CCNY: variants seen among roughly 807,000 people sequenced by gnomAD.
The protein encoded by CCNY is cyclin Y.
Under a neutral mutation model 42.8 loss-of-function variants are expected in CCNY, and 19 were observed. The observed-to-expected ratio is 0.44, with a 90% confidence interval of 0.31 to 0.65. The LOEUF is 0.65. Among genes scored for constraint, CCNY ranks in the 30% least tolerant of loss-of-function variants. The pLI, the probability that CCNY is intolerant of heterozygous loss-of-function variation, is 0.07. For synonymous variants in CCNY, 165 were observed against 162.7 expected (o/e 1.01, Z -0.11); for missense variants, 370 against 437.3 (o/e 0.85, Z 1.37).
chr10:35,287,265 C>T (rs975447385), intron 3 of CCNY, among the ~76,000 whole-genome samples: 1 of 152,008 alleles, frequency 6.6e-6, no homozygotes, highest in Non-Finnish European at 1.5e-5. Context: ...ATATTGTGTT[C>T]CCAATTTAAA....
In CCNY at chr10:35,362,746, G is replaced by A. The variant is rs569367966; in HGVS notation, c.154+25539G>A. Among the ~76,000 whole-genome samples, 39 of 151,824 alleles carry A rather than the reference G, an allele frequency of 2.6e-4. 1 individual carries two copies. The highest frequency in any genetic ancestry group is 2.4e-3 in the Admixed American group (36 of 15,272). On this transcript the variant is annotated intron_variant, in intron 1 of 9. Transcript: ENST00000374704. ...CTCCTCACTTCCCAGACGGGGCTGCGGCCAGGCAGAGGCGCTCATCACATC... is the reference window on the plus strand; with the variant it reads ...CTCCTCACTTCCCAGACGGGGCTGCAGCCAGGCAGAGGCGCTCATCACATC...
At chr10:35,370,237 C>T (rs541908261) in intron 1 of CCNY, among the ~76,000 whole-genome samples, 23 of 152,036 alleles carry the variant, frequency 1.5e-4, no homozygotes, top group Non-Finnish European at 2.9e-4. Flanking sequence ...CTGCAAGCTC[C>T]GCTTCCCGGG....
At chr10:35,407,238 G>A (rs1343462899) in intron 1 of CCNY, among the ~76,000 whole-genome samples, 1 of 152,126 alleles carries the variant, frequency 6.6e-6, no homozygotes, top group Non-Finnish European at 1.5e-5. Context: ...TGTGGGGAAG[G>A]GAGGTGATAG....
chr10:35,355,104 G>GC (rs1836516635), intron 1 of CCNY, among the ~76,000 whole-genome samples: 1 of 152,124 alleles, frequency 6.6e-6, no homozygotes, highest in Non-Finnish European at 1.5e-5. Flanking sequence ...TGTCCAGTGA[G>GC]CAGGGTCAAG....
intron 1 of CCNY, among the ~76,000 whole-genome samples, chr10:35,465,424 C>T (rs530183959): frequency 6.6e-6 from 1 of 152,238 alleles, no homozygotes; most frequent in African/African-American, 2.4e-5. Context: ...TGAATTTAAA[C>T]TTGTCACTTC....
chr10:35,279,638 C>T lies in CCNY; in HGVS notation c.-9+29012C>T, dbSNP rs150108798. Among the ~76,000 whole-genome samples the T allele has an allele frequency of 1.3e-3, 202 of 152,250 alleles. 1 individual carries two copies. Among genetic ancestry groups the T allele is most frequent in the African/African-American group, 4.4e-3 (184 of 41,552 alleles). On this transcript the variant is annotated intron_variant, in intron 3 of 11. Coordinates refer to the CCNY transcript ENST00000374706. Reference sequence around the variant, plus strand: ...TGAGGAAGGCCTCATTCAGAGACCCCAAAGAGATTTCAAATGGAGGCACCT... The same window carrying T: ...TGAGGAAGGCCTCATTCAGAGACCCTAAAGAGATTTCAAATGGAGGCACCT...
At chr10:35,555,213 G>T (rs1322829853) in intron 8 of CCNY, among the ~76,000 whole-genome samples, 1 of 152,066 alleles carries the variant, frequency 6.6e-6, no homozygotes, top group Non-Finnish European at 1.5e-5. Context: ...TTTATCCCCA[G>T]CTGATTAAGA....
intron 3 of CCNY, among the ~76,000 whole-genome samples, chr10:35,291,386 A>T (rs963467610): frequency 6.6e-6 from 1 of 152,036 alleles, no homozygotes; most frequent in Admixed American, 6.6e-5. Flanking sequence ...TTATTAGTAC[A>T]TTATTTCTTT....
chr10:35,269,903 C>T (rs577148989), intron 3 of CCNY, among the ~76,000 whole-genome samples: 67 of 152,248 alleles, frequency 4.4e-4, no homozygotes, highest in African/African-American at 1.2e-3. Context: ...GCTGGGGTTA[C>T]GTGCCCGGCC....
chr10:35,356,516 G>A (rs1226738664), intron 1 of CCNY, among the ~76,000 whole-genome samples: 3 of 152,164 alleles, frequency 2.0e-5, no homozygotes, highest in East Asian at 1.9e-4. Context: ...ATGTGGCAAC[G>A]GGAAGCGTGC....
intron 3 of CCNY, among the ~76,000 whole-genome samples, chr10:35,256,157 T>C (rs116351032): frequency 0.028 from 4,333 of 152,286 alleles, 201 homozygotes; most frequent in African/African-American, 0.096. Context: ...TGCTAATCTC[T>C]GATTTTTGAT....
chr10:35,540,564 C>CTTTTTTTTTTTTTTTTTTTTTTT (rs561129843), intron 7 of CCNY, among the ~76,000 whole-genome samples: 6 of 144,802 alleles, frequency 4.1e-5, no homozygotes, highest in African/African-American at 1.3e-4. Context: ...ATTCCTTCTA[C>CTTTTTTTTTTTTTTTTTTTTTTT]TTTTTTTTTT....
intron 1 of CCNY, among the ~76,000 whole-genome samples, chr10:35,454,654 C>T (rs1176815090): frequency 6.6e-6 from 1 of 152,238 alleles, no homozygotes; most frequent in Non-Finnish European, 1.5e-5. Flanking sequence ...TTTAACCAGC[C>T]AGTGGGGCCC....
chr10:35,315,577 C>T (rs767608933), intron 3 of CCNY, among the ~76,000 whole-genome samples: 32 of 152,174 alleles, frequency 2.1e-4, no homozygotes, highest in Admixed American at 1.2e-3. Context: ...TGAACAATCA[C>T]ATGCATGTGT....
intron 9 of CCNY, among the ~76,000 whole-genome samples, chr10:35,568,613 C>T (rs58751517): frequency 2.0e-5 from 3 of 152,062 alleles, no homozygotes; most frequent in Admixed American, 6.5e-5. Context: ...TTGCCGCCAG[C>T]GGCCGAGCTC....
chr10:35,402,065 G>A (rs1030343447), intron 1 of CCNY, among the ~76,000 whole-genome samples: 3 of 152,128 alleles, frequency 2.0e-5, no homozygotes, highest in Admixed American at 6.5e-5. Context: ...GTGGTAAAGC[G>A]TTGGGGTGGC....
At position 35,253,414 on chromosome 10, in the gene CCNY, A is replaced by AATTTT. The variant is rs775450185; in HGVS notation, c.-9+2788_-9+2789insATTTT. Among the ~76,000 whole-genome samples, 28 of 89,026 alleles carry AATTTT rather than the reference A, an allele frequency of 3.1e-4. 1 individual carries two copies. The highest frequency in any genetic ancestry group is 6.1e-4 in the African/African-American group (13 of 21,180). The allele number at this position is 89,026 out of a possible 152,430, so 58.4% of individuals were successfully genotyped here. A position where few individuals can be genotyped will look rare whatever the true frequency, so the allele number is the denominator to read the frequency against. ...ACAGGCATGCACCAGCATGCTCACT[A>AATTTT]TTTTTTTTTTTTTTTTTTTTTTTTT... is the stretch of plus-strand genomic sequence containing the variant. On this transcript the variant is annotated intron_variant, in intron 3 of 11. Transcript: ENST00000374706.
At chr10:35,403,222 C>T (rs1016657073) in intron 1 of CCNY, among the ~76,000 whole-genome samples, 9 of 151,778 alleles carry the variant, frequency 5.9e-5, no homozygotes, top group South Asian at 4.1e-4. Flanking sequence ...ATTTCCACGA[C>T]GGAAAGGAAA....
intron 1 of CCNY, among the ~76,000 whole-genome samples, chr10:35,404,080 A>G (rs1325416526): frequency 6.6e-6 from 1 of 152,248 alleles, no homozygotes; most frequent in Non-Finnish European, 1.5e-5. Context: ...CAGCTGAAGG[A>G]GCCAGGGAGC....
Sources: allele counts gnomAD v4.1 joint callset (sites outside exome capture counted in the v4.1 genomes callset), GRCh38; gene constraint gnomAD v4.1.1; transcripts MANE v1.5; gene names NCBI Gene and HGNC (gene_info 2026-07-23, HGNC 2026-07-21).